DNAJC1: variants seen among roughly 807,000 people sequenced by gnomAD.
DNAJC1 encodes the protein DnaJ heat shock protein family (Hsp40) member C1.
DNAJC1 carries 58 observed loss-of-function variants against 76.6 expected under a neutral mutation model. The observed-to-expected ratio is 0.76, with a 90% CI of 0.61 to 0.94. The LOEUF (loss-of-function observed/expected upper bound fraction) is 0.94, where lower values mean the gene tolerates loss of function less well. Ranked by LOEUF, DNAJC1 falls within the 40% of genes least tolerant of loss-of-function variation. The pLI, the probability that DNAJC1 is intolerant of heterozygous loss-of-function variation, is 0.00. For synonymous variants in DNAJC1, 258 were observed against 267.9 expected, an observed-to-expected ratio of 0.96 and a Z score of 0.36; for missense variants, 689 against 677.3, an observed-to-expected ratio of 1.02 and a Z score of -0.19.
intron 8 of DNAJC1, among the ~76,000 whole-genome samples, chr10:21,853,754 C>G (rs973692869): frequency 7.2e-5 from 10 of 138,132 alleles, no homozygotes; most frequent in African/African-American, 2.8e-4. Context: ...AGATTGCACA[C>G]TCCAGCCTGG....
chr10:21,952,179 A>G (rs1162582954), intron 1 of DNAJC1, among the ~76,000 whole-genome samples: 1 of 152,246 alleles, frequency 6.6e-6, no homozygotes, highest in Non-Finnish European at 1.5e-5. Context: ...TAAATAAAAC[A>G]TTCATTCATG....
chr10:21,804,654 AC>A, intron 9 of DNAJC1, among the ~76,000 whole-genome samples: 3 of 150,436 alleles, frequency 2.0e-5, no homozygotes, highest in Middle Eastern at 6.8e-3. Flanking sequence ...TACTCATGAA[AC>A]ACAGCAAAAA....
rs1835588982 is a variant in DNAJC1, at chr10:21,842,389, T to C, written c.979-36290A>G. Among the ~76,000 whole-genome samples the C allele has an allele frequency of 2.0e-5, 3 of 152,018 alleles. No homozygotes were observed. The South Asian group carries it at 6.2e-4, about 32-fold the overall frequency. On this transcript the variant is annotated intron_variant, in intron 8 of 11. Coordinates refer to ENST00000376980, the MANE Select transcript of DNAJC1 (RefSeq NM_022365.4). ...CACTGAGGGATTTCCAAGGAAGAGA[T>C]GAAAACACAGAGAGGTAGGGCCAGG...
intron 8 of DNAJC1, among the ~76,000 whole-genome samples, chr10:21,856,874 C>A (rs1446454625): frequency 6.6e-6 from 1 of 151,852 alleles, no homozygotes; most frequent in African/African-American, 2.4e-5. Flanking sequence ...TAGCTGGGAC[C>A]ACAGGTGCGC....
At chr10:21,872,934 C>G (rs999979409) in intron 8 of DNAJC1, among the ~76,000 whole-genome samples, 3 of 152,208 alleles carry the variant, frequency 2.0e-5, no homozygotes, top group Admixed American at 1.3e-4. Context: ...ATGAAATCCA[C>G]AGGCAGACAG....
chr10:21,927,418 A>ATGTATTG (rs1554897584), intron 3 of DNAJC1, among the ~76,000 whole-genome samples: 2 of 152,056 alleles, frequency 1.3e-5, no homozygotes, highest in African/African-American at 4.8e-5. Flanking sequence ...GAGATGTATT[A>ATGTATTG]CCCCCCTAGT....
At chr10:21,890,303 C>A (rs947995595) in intron 7 of DNAJC1, among the ~76,000 whole-genome samples, 2 of 151,712 alleles carry the variant, frequency 1.3e-5, no homozygotes, top group African/African-American at 2.4e-5. Context: ...ATCCCAGCTA[C>A]CGGGGAGGCT....
intron 9 of DNAJC1, among the ~76,000 whole-genome samples, chr10:21,766,599 C>A (rs1589972154): frequency 6.6e-6 from 1 of 152,200 alleles, no homozygotes; most frequent in Non-Finnish European, 1.5e-5. Flanking sequence ...TACGAGGCTG[C>A]CTCTTTTCAT....
intron 8 of DNAJC1, among the ~76,000 whole-genome samples, chr10:21,847,627 T>C (rs1190786244): frequency 6.6e-6 from 1 of 152,166 alleles, no homozygotes; most frequent in Non-Finnish European, 1.5e-5. Context: ...ACTATCATTC[T>C]ACTTTCTACC....
chr10:21,931,760 A>C (rs1590054725), intron 1 of DNAJC1, among the ~76,000 whole-genome samples: 1 of 152,336 alleles, frequency 6.6e-6, no homozygotes, highest in Middle Eastern at 3.4e-3. Context: ...TTTCTATTAG[A>C]GGCCTGAATG....
intron 1 of DNAJC1, among the ~76,000 whole-genome samples, chr10:21,979,032 A>G (rs886729001): frequency 9.2e-5 from 14 of 151,914 alleles, no homozygotes; most frequent in Non-Finnish European, 4.4e-5. Flanking sequence ...CTTATAATGC[A>G]GAGTTAGGTA....
In DNAJC1 at chr10:21,945,095, T is replaced by C. The variant is rs181024049; in HGVS notation, c.223-15954A>G. ...CATTGGTATATGAAGAAAAGTCAAA[T>C]AGGCATGAAGGATATTGCTTAAAGA... On this transcript the variant is annotated intron_variant, in intron 1 of 11. Transcript: ENST00000376980. Among the ~76,000 whole-genome samples, 612 of 152,296 alleles carry C rather than the reference T, an allele frequency of 4.0e-3. 6 individuals are homozygous for C. Among genetic ancestry groups the C allele is most frequent in the African/African-American group, 0.014 (572 of 41,574 alleles).
chr10:21,941,194 G>A (rs1001205834), intron 1 of DNAJC1, among the ~76,000 whole-genome samples: 4 of 148,420 alleles, frequency 2.7e-5, no homozygotes, highest in East Asian at 2.0e-4. Context: ...GCGGGAACCC[G>A]GTAGGCAGAG....
At chr10:21,806,523 C>T (rs1165736932) in intron 8 of DNAJC1, among the ~76,000 whole-genome samples, 1 of 150,870 alleles carries the variant, frequency 6.6e-6, no homozygotes, top group African/African-American at 2.4e-5. Context: ...TTTTTTTAAA[C>T]ACACACTTTA....
At chr10:21,773,952 T>A (rs1338153699) in intron 9 of DNAJC1, among the ~76,000 whole-genome samples, 1 of 151,200 alleles carries the variant, frequency 6.6e-6, no homozygotes, top group Non-Finnish European at 1.5e-5. Flanking sequence ...CCATCCCGGC[T>A]AAAACGGTGA....
At chr10:21,767,320 TATC>T (rs1436522880) in intron 9 of DNAJC1, among the ~76,000 whole-genome samples, 2 of 152,148 alleles carry the variant, frequency 1.3e-5, no homozygotes, top group African/African-American at 4.8e-5. Flanking sequence ...ATATAAATGG[TATC>T]ATATTTCACG....
intron 2 of DNAJC1, 129 bp downstream of exon 2, chr10:21,928,910 AT>A (rs1480144177): frequency 4.3e-5 from 26 of 598,226 alleles, no homozygotes; most frequent in Middle Eastern, 4.6e-4. Context: ...TTGAAAAAAA[AT>A]ATACACTATA....
intron 8 of DNAJC1, among the ~76,000 whole-genome samples, chr10:21,838,701 A>C (rs1310160174): frequency 6.6e-6 from 1 of 152,180 alleles, no homozygotes; most frequent in East Asian, 1.9e-4. Context: ...CGAGACAGAA[A>C]GTTAACAAGG....
At position 21,856,187 on chromosome 10, in the gene DNAJC1, T is replaced by C. The variant is rs533699879; in HGVS notation, c.978+26095A>G. On this transcript the variant is annotated intron_variant, in intron 8 of 11. Coordinates refer to ENST00000376980, the MANE Select transcript of DNAJC1 (RefSeq NM_022365.4). ...GAAACCAAATTTTCCCAAGGAACAG[T>C]AGTATGCTGAAGTCTACTCATACCA... 9.2e-5 allele frequency among the ~76,000 whole-genome samples: 14 copies of C among 152,292 alleles called. No individual in the cohort carries two copies. The South Asian group carries it at 1.9e-3, about 20-fold the overall frequency.
Sources: gnomAD v4.1 joint callset for allele counts (sites outside exome capture counted in the v4.1 genomes callset) on GRCh38, gnomAD v4.1.1 for gene constraint, MANE v1.5 for transcripts, NCBI Gene and HGNC (gene_info 2026-07-23, HGNC 2026-07-21) for gene names.